TEK: variants seen among roughly 807,000 people sequenced by gnomAD.
The protein encoded by TEK is TEK receptor tyrosine kinase, also known as angiopoietin-1 receptor.
TEK carries 43 observed loss-of-function variants against 131.8 expected under a neutral mutation model. The ratio of observed to expected loss-of-function variants is 0.33; its 90% CI spans 0.26 to 0.42. The LOEUF is 0.42. Ranked by LOEUF, TEK falls within the 10% of genes least tolerant of loss-of-function variation. The pLI, the probability that TEK is intolerant of heterozygous loss-of-function variation, is 1.00. For missense variants in TEK, 1,162 were observed against 1,384.4 expected (o/e 0.84, Z 2.55); for synonymous variants, 580 against 491.6 (o/e 1.18, Z -2.38).
chr9:27,220,231 G>T (rs547291608), intron 21 of TEK, 86 bp downstream of exon 21: 2 of 1,256,154 alleles, frequency 1.6e-6, no homozygotes, highest in Non-Finnish European at 1.2e-6. Flanking sequence ...AAAGTCAGCC[G>T]GTATACACTA....
chr9:27,181,636 C>A (rs563125491), intron 7 of TEK, among the ~76,000 whole-genome samples: 1 of 152,220 alleles, frequency 6.6e-6, no homozygotes, highest in African/African-American at 2.4e-5. Context: ...GGATCACAGC[C>A]ACCTCCATTC....
intron 17 of TEK, among the ~76,000 whole-genome samples, chr9:27,213,169 C>T (rs953510544): frequency 2.0e-5 from 3 of 152,026 alleles, no homozygotes; most frequent in Non-Finnish European, 4.4e-5. Context: ...TAATACGTAG[C>T]GAGGTACCTT....
At position 27,205,023 on chromosome 9, in the gene TEK, G is replaced by A. The variant is rs542913; in HGVS notation, c.2322G>A (p.Arg774=). 396,478 of 1,613,708 alleles carry A rather than the reference G, an allele frequency of 0.25. 51,819 individuals carry two copies. Among genetic ancestry groups the A allele is most frequent in the Non-Finnish European group, 0.27 (317,441 of 1,179,770 alleles). ...TTCTGATCATATTGCAATTGAAGAGGGCAAATGTGCAAAGGAGAATGGCCC... is the reference window on the plus strand; with the variant it reads ...TTCTGATCATATTGCAATTGAAGAGAGCAAATGTGCAAAGGAGAATGGCCC... ...LAFLIILQLK[R]ANVQRRMAQA... is the part of the protein sequence containing the mutation. Residue 774 remains arginine (R), a synonymous_variant, in exon 14 of 23, where the codon AGG becomes AGA. Transcript: ENST00000380036.
chr9:27,125,650 G>A (rs577005390), intron 1 of TEK, among the ~76,000 whole-genome samples: 1 of 152,204 alleles, frequency 6.6e-6, no homozygotes, highest in African/African-American at 2.4e-5. Context: ...TCTGTAGCAT[G>A]AGGATAACAA....
At chr9:27,188,707 A>G (rs1331385797) in intron 9 of TEK, among the ~76,000 whole-genome samples, 1 of 152,174 alleles carries the variant, frequency 6.6e-6, no homozygotes, top group Admixed American at 6.6e-5. Flanking sequence ...CACTTAGTCA[A>G]TAGAATTTAC....
chr9:27,134,894 G>A (rs1229693186), intron 1 of TEK, among the ~76,000 whole-genome samples: 1 of 152,082 alleles, frequency 6.6e-6, no homozygotes, highest in Non-Finnish European at 1.5e-5. Context: ...CTCATTTCTT[G>A]CCCATGTTTG....
intron 6 of TEK, among the ~76,000 whole-genome samples, chr9:27,173,737 G>GTTTTTTTTTTTT (rs35971876): frequency 3.2e-5 from 3 of 93,984 alleles, no homozygotes; most frequent in Non-Finnish European, 4.2e-5. Context: ...TTTTTTTTTG[G>GTTTTTTTTTTTT]TTTTTTTTTT....
intron 7 of TEK, among the ~76,000 whole-genome samples, chr9:27,182,576 C>T (rs529832087): frequency 4.6e-5 from 7 of 152,272 alleles, no homozygotes; most frequent in South Asian, 2.1e-4. Context: ...TTCCCACCAC[C>T]GATAAGAAAC....
At chr9:27,114,416 CAA>C (rs1292586395) in intron 1 of TEK, among the ~76,000 whole-genome samples, 1 of 151,972 alleles carries the variant, frequency 6.6e-6, no homozygotes. Flanking sequence ...ACTAAAAATA[CAA>C]AAGTTAGCTG....
At chr9:27,139,567 G>A (rs551599310) in intron 1 of TEK, among the ~76,000 whole-genome samples, 5 of 151,752 alleles carry the variant, frequency 3.3e-5, no homozygotes, top group African/African-American at 4.8e-5. Context: ...TAGGTGATCC[G>A]CCCACCTCGG....
intron 1 of TEK, among the ~76,000 whole-genome samples, chr9:27,116,023 C>A (rs1435396310): frequency 6.6e-6 from 1 of 152,142 alleles, no homozygotes; most frequent in Non-Finnish European, 1.5e-5. Context: ...ATGGTAGAGA[C>A]CATAGGCTGG....
intron 6 of TEK, among the ~76,000 whole-genome samples, chr9:27,176,494 C>G (rs1824178305): frequency 6.6e-6 from 1 of 152,188 alleles, no homozygotes; most frequent in African/African-American, 2.4e-5. Context: ...AGTTCTTAAC[C>G]TTTCTACCAT....
chr9:27,173,116 G>T, intron 5 of TEK, 106 bp from the exon 6 acceptor site: 1 of 1,461,044 alleles, frequency 6.8e-7, no homozygotes, highest in South Asian at 1.2e-5. Context: ...GCTGAGATTT[G>T]ACTGTTTCCC....
chr9:27,209,068 G>A, intron 15 of TEK, 53 bp from the exon 16 acceptor site: 1 of 1,307,660 alleles, frequency 7.6e-7, no homozygotes, highest in Non-Finnish European at 1.1e-6. Context: ...CGGGACAGCT[G>A]ATTCTGAAAA....
At chr9:27,216,841 A>T (rs1300455577) in intron 18 of TEK, among the ~76,000 whole-genome samples, 1 of 152,116 alleles carries the variant, frequency 6.6e-6, no homozygotes, top group Non-Finnish European at 1.5e-5. Context: ...ATCTAGGTGG[A>T]GATGCCACTG....
chr9:27,124,053 G>A (rs1334613113), intron 1 of TEK, among the ~76,000 whole-genome samples: 1 of 152,230 alleles, frequency 6.6e-6, no homozygotes, highest in Non-Finnish European at 1.5e-5. Flanking sequence ...CCGGGTGGGT[G>A]GCGTGAGCCA....
chr9:27,221,995 A>G (rs1826103505), intron 21 of TEK, among the ~76,000 whole-genome samples: 1 of 152,246 alleles, frequency 6.6e-6, no homozygotes, highest in African/African-American at 2.4e-5. Flanking sequence ...AACGTTGAAA[A>G]AAGGTTAGAT....
intron 2 of TEK, among the ~76,000 whole-genome samples, chr9:27,162,718 T>C (rs1486964120): frequency 6.6e-6 from 1 of 152,040 alleles, no homozygotes; most frequent in African/African-American, 2.4e-5. Flanking sequence ...ACAATTTTTC[T>C]TTTCTTTTTT....
chr9:27,176,678 A>G (rs1213474246), intron 6 of TEK, among the ~76,000 whole-genome samples: 1 of 152,234 alleles, frequency 6.6e-6, no homozygotes, highest in Non-Finnish European at 1.5e-5. Flanking sequence ...TCACACAGTT[A>G]TCTGTGTGTG....
Sources: gnomAD v4.1 joint callset for allele counts (sites outside exome capture counted in the v4.1 genomes callset) on GRCh38, gnomAD v4.1.1 for gene constraint, MANE v1.5 for transcripts, NCBI Gene and HGNC (gene_info 2026-07-23, HGNC 2026-07-21) for gene names.